ANKRD37: variants seen among roughly 807,000 people sequenced by gnomAD.
ANKRD37 encodes ankyrin repeat domain-containing protein 37.
A neutral mutation model predicts 19.7 loss-of-function variants in ANKRD37; 17 were observed. The ratio of observed to expected loss-of-function variants is 0.86; its 90% CI spans 0.59 to 1.29. The LOEUF (loss-of-function observed/expected upper bound fraction) is 1.29. Ranked by LOEUF, ANKRD37 falls within the 50% of genes most tolerant of loss-of-function variation. The pLI is 0.00. For missense variants in ANKRD37, 207 were observed against 190.4 expected (o/e 1.09, Z -0.51); for synonymous variants, 79 against 74.5 (o/e 1.06, Z -0.31).
rs9999683 is a variant in ANKRD37, at chr4:185,400,055, C to A, written c.*38C>A. 3 of 1,536,440 alleles carry A rather than the reference C, an allele frequency of 2.0e-6. No homozygotes were observed. The highest frequency in any genetic ancestry group is 2.3e-5 in the East Asian group (1 of 44,430). ...TATGAAGAAGTCTGAAGAACGCCTT[C>A]ATTTCATGCAAATCTATAAGCTCCT... On this transcript the variant is annotated 3_prime_UTR_variant, in exon 5 of 5. Coordinates refer to ENST00000335174, the MANE Select transcript of ANKRD37 (RefSeq NM_181726.4).
rs202233404 is a variant in ANKRD37, at chr4:185,399,743, T to G, written c.446T>G (p.Val149Gly). The part of the protein sequence containing the change: ...VLRQKRSLGS[V>G]ENTSGKRKC ...AGACAGAAACGGAGTCTCGGAAGTG[T>G]AGAAAATACCAGTGGGAAAAGGAAG... The change falls in exon 4 of 5, where the codon GTA (valine) becomes GGA (glycine). Residue 149 changes from valine (V) to glycine (G), a missense_variant. Transcript: ENST00000335174. 3 of 1,614,130 alleles carry G rather than the reference T, an allele frequency of 1.9e-6. No homozygotes were observed. In the East Asian group the frequency reaches 6.7e-5, roughly 36 times the overall value.
In ANKRD37 at chr4:185,400,000, C is replaced by T. The variant is rs1238066905; in HGVS notation, c.*-17C>T. ...TTTAAAAAAAAGTTTTTAATGTTAA[C>T]GTGTTTTTAAAAACAGATGTCACGT... is the stretch of plus-strand genomic sequence containing the variant. On this transcript the variant is annotated splice_polypyrimidine_tract_variant and intron_variant, in intron 4 of 4. Transcript: ENST00000335174. 6.9e-6 allele frequency: 11 copies of T among 1,600,910 alleles called. No homozygotes were observed. The highest frequency in any genetic ancestry group is 9.3e-6 in the Non-Finnish European group (11 of 1,176,940).
chr4:185,398,895 AGT>A lies in ANKRD37; in HGVS notation c.181-39_181-38del. The A allele has an allele frequency of 2.0e-6, 3 of 1,516,470 alleles. No individual in the cohort carries two copies. The South Asian group carries it at 3.4e-5, about 17-fold the overall frequency. 93.9% of individuals were successfully genotyped at this position (1,516,470 alleles called of 1,614,324 possible). ...ATGTCACTCATCAACTTTCACAAAA[AGT>A]GTTTTTGGGAGACTCTAAAATGCAC... On this transcript the variant is annotated intron_variant, in intron 2 of 4. Transcript: ENST00000335174.
chr4:185,399,829 A>G, intron 4 of ANKRD37, 56 bp downstream of exon 4: 2 of 1,604,276 alleles, frequency 1.2e-6, no homozygotes, highest in Non-Finnish European at 1.7e-6. Context: ...TTGTTTGCAT[A>G]GCATTTATTA....
At chr4:185,398,780 TTGG>T (rs968661437) in intron 2 of ANKRD37, among the ~76,000 whole-genome samples, 154 bp from the exon 3 acceptor site, 2 of 149,666 alleles carry the variant, frequency 1.3e-5, no homozygotes, top group Admixed American at 1.3e-4. Flanking sequence ...CGAAAAGTTT[TTGG>T]TGTTCTCTGC....
intron 4 of ANKRD37, 45 bp downstream of exon 4, chr4:185,399,818 C>T: frequency 6.2e-7 from 1 of 1,610,350 alleles, no homozygotes; most frequent in Non-Finnish European, 8.5e-7. Flanking sequence ...GCAGTGATCT[C>T]TTGTTTGCAT....
At position 185,399,636 on chromosome 4, in the gene ANKRD37, C is replaced by G. The variant is rs151013033; in HGVS notation, c.339C>G (p.Ala113=). The G allele has an allele frequency of 1.6e-4, 258 of 1,613,980 alleles. No homozygotes were observed. Among genetic ancestry groups the G allele is most frequent in the Non-Finnish European group, 2.0e-4 (236 of 1,180,010 alleles). The change falls in exon 4 of 5, where the codon GCC becomes GCG. Residue 113 remains alanine, a synonymous_variant. Coordinates refer to ENST00000335174, the MANE Select transcript of ANKRD37 (RefSeq NM_181726.4). ...LAWSCGFPDC[A]KFLTTIKCMQ... ...GGTCATGTGGATTTCCAGACTGTGC[C>G]AAGTTTCTTACAACAATTAAATGTA...
rs2095504782 is a variant in ANKRD37, at chr4:185,396,866, G to T, written c.-58G>T. The stretch of plus-strand genomic sequence containing the variant: ...GCGCATTCTTACCTGTCGGGGTGCG[G>T]CGAGTGTCTCACCTCTCTGCACTTC... On this transcript the variant is annotated 5_prime_UTR_variant, in exon 1 of 5. Transcript: ENST00000335174. The T allele has an allele frequency of 6.3e-7, 1 of 1,586,998 alleles. No individual in the cohort carries two copies.
chr4:185,399,549 C>G (rs1211732719), intron 3 of ANKRD37, 21 bp from the exon 4 acceptor site: 2 of 1,612,222 alleles, frequency 1.2e-6, no homozygotes, highest in Admixed American at 1.7e-5. Context: ...TCATTTCACT[C>G]CGTTTTTATC....
chr4:185,398,113 G>A (rs2095507838), intron 2 of ANKRD37, among the ~76,000 whole-genome samples: 3 of 152,158 alleles, frequency 2.0e-5, no homozygotes, highest in Admixed American at 1.3e-4. Context: ...ACGCGCCACC[G>A]TGCCCGGCTA....
intron 2 of ANKRD37, 46 bp from the exon 3 acceptor site, chr4:185,398,890 CA>C (rs920513709): frequency 2.0e-6 from 3 of 1,480,230 alleles, no homozygotes; most frequent in African/African-American, 2.8e-5. Flanking sequence ...TCAACTTTCA[CA>C]AAAAGTGTTT....
chr4:185,397,328 C>T (rs58348740), intron 2 of ANKRD37, 26 bp downstream of exon 2: 75,767 of 1,608,440 alleles, frequency 0.047, 2,583 homozygotes, highest in African/African-American at 0.14. Context: ...TTGCTGTGTA[C>T]AGCCGTCCCC....
chr4:185,397,336 C>A (rs1191837620), intron 2 of ANKRD37, 34 bp downstream of exon 2: 1 of 1,601,278 alleles, frequency 6.2e-7, no homozygotes, highest in South Asian at 1.1e-5. Flanking sequence ...TACAGCCGTC[C>A]CCTCCAACCC....
rs2095511595 is a variant in ANKRD37, at chr4:185,400,172, AT to A, written c.*158del. ...TGAAGATCCATTTAAGAACACATGT[AT>A]TTACATGCCTATAATATGCTGGTTG... is the stretch of plus-strand genomic sequence containing the variant. On this transcript the variant is annotated 3_prime_UTR_variant, in exon 5 of 5. Coordinates refer to ENST00000335174, the MANE Select transcript of ANKRD37 (RefSeq NM_181726.4). 6.6e-6 allele frequency: 5 copies of A among 755,650 alleles called. No individual in the cohort carries two copies. The South Asian group carries it at 9.3e-5, about 14-fold the overall frequency. 46.8% of individuals were successfully genotyped at this position (755,650 alleles called of 1,614,324 possible). A position where few individuals can be genotyped will look rare whatever the true frequency, so the allele number is the denominator to read the frequency against.
At chr4:185,400,491 G>A (rs1229616700), downstream of ANKRD37, 1 of 1,597,140 alleles carries the variant, frequency 6.3e-7, no homozygotes, top group Non-Finnish European at 8.6e-7. Flanking sequence ...GGATAGAGAA[G>A]ACGGGAAAGG....
chr4:185,400,016 G>C lies in ANKRD37; in HGVS notation c.*-1G>C, dbSNP rs748280377. 2 of 1,601,294 alleles carry C rather than the reference G, an allele frequency of 1.2e-6. No individual in the cohort carries two copies. Among genetic ancestry groups the C allele is most frequent in the South Asian group, 2.3e-5 (2 of 88,008 alleles). ...TAATGTTAACGTGTTTTTAAAAACAGATGTCACGTGGGTTATGAAGAAGTC... is the reference window on the plus strand; with the variant it reads ...TAATGTTAACGTGTTTTTAAAAACACATGTCACGTGGGTTATGAAGAAGTC... On this transcript the variant is annotated splice_acceptor_variant, in intron 4 of 4. Coordinates refer to ENST00000335174, the MANE Select transcript of ANKRD37 (RefSeq NM_181726.4). LOFTEE classifies it high-confidence loss of function.
rs764502935 is a variant in ANKRD37 at position 185,399,969 on chromosome 4, ACT to A, written c.*-45_*-44del. 9 of 1,591,062 alleles carry A rather than the reference ACT, an allele frequency of 5.7e-6. No individual in the cohort carries two copies. In the African/African-American group the frequency reaches 8.2e-5, roughly 14 times the overall value. On this transcript the variant is annotated intron_variant, in intron 4 of 4. Transcript: ENST00000335174. The stretch of plus-strand genomic sequence containing the variant: ...TGCATGGTGGAAGTTTGGGGATAAA[ACT>A]CTTTTTAAAAAAAAGTTTTTAATGT...
At position 185,399,037 on chromosome 4, in the gene ANKRD37, G is replaced by C; in HGVS notation, c.272+9G>C. ...AGTGATGCCCAAATTGAGTGAGTATGAAAACAGTGGCTTCACATTTTATGT... is the reference window on the plus strand; with the variant it reads ...AGTGATGCCCAAATTGAGTGAGTATCAAAACAGTGGCTTCACATTTTATGT... On this transcript the variant is annotated intron_variant, in intron 3 of 4. Coordinates refer to ENST00000335174, the MANE Select transcript of ANKRD37 (RefSeq NM_181726.4). 1.2e-6 allele frequency: 2 copies of C among 1,610,464 alleles called. No homozygotes were observed. The highest frequency in any genetic ancestry group is 3.3e-5 in the Admixed American group (2 of 59,964).
At position 185,399,766 on chromosome 4, in the gene ANKRD37, A is replaced by T; in HGVS notation, c.469A>T (p.Lys157Ter). The T allele has an allele frequency of 6.2e-7, 1 of 1,614,070 alleles. No homozygotes were observed. The highest frequency in any genetic ancestry group is 1.6e-4 in the Middle Eastern group (1 of 6,062). Residue 157 changes from lysine to a stop codon, truncating the protein, a stop_gained, in exon 4 of 5, where the codon AAG becomes TAG. Coordinates refer to ENST00000335174, the MANE Select transcript of ANKRD37 (RefSeq NM_181726.4). LOFTEE classifies it high-confidence loss of function. ...TGTAGAAAATACCAGTGGGAAAAGG[A>T]AGTGCTGGTAAGTAACTCAGAGCTG... ...GSVENTSGKR[K>*]C
Sources: allele counts gnomAD v4.1 joint callset (sites outside exome capture counted in the v4.1 genomes callset), GRCh38; gene constraint gnomAD v4.1.1; transcripts MANE v1.5; gene names NCBI Gene and HGNC (gene_info 2026-07-23, HGNC 2026-07-21).